ARHGEF3: variants seen among roughly 807,000 people sequenced by gnomAD.
ARHGEF3 encodes Rho guanine nucleotide exchange factor 3.
ARHGEF3 carries 28 observed loss-of-function variants against 63.2 expected under a neutral mutation model. The ratio of observed to expected loss-of-function variants is 0.44; its 90% CI spans 0.33 to 0.61. The LOEUF is 0.61. Ranked by LOEUF, ARHGEF3 falls within the 20% of genes least tolerant of loss-of-function variation. The probability of loss-of-function intolerance (pLI) is 0.03; values close to 1 mark genes in which losing one functional copy is unlikely to be tolerated. For synonymous variants in ARHGEF3, 266 were observed against 254.2 expected, an observed-to-expected ratio of 1.05 and a Z score of -0.44; for missense variants, 533 against 659.3, an observed-to-expected ratio of 0.81 and a Z score of 2.10.
intron 8 of ARHGEF3, among the ~76,000 whole-genome samples, chr3:56,735,086 A>C (rs946775039): frequency 6.6e-6 from 1 of 152,060 alleles, no homozygotes; most frequent in African/African-American, 2.4e-5. Flanking sequence ...GAATTCAAGA[A>C]CAGCCTGGCC....
At chr3:56,949,940 C>A (rs1231413347) in intron 3 of ARHGEF3, among the ~76,000 whole-genome samples, 4 of 151,846 alleles carry the variant, frequency 2.6e-5, no homozygotes, top group African/African-American at 9.7e-5. Flanking sequence ...GAGATATAGA[C>A]CAATGGAACA....
chr3:56,761,328 G>A (rs145372083), intron 2 of ARHGEF3, among the ~76,000 whole-genome samples: 1 of 151,984 alleles, frequency 6.6e-6, no homozygotes, highest in African/African-American at 2.4e-5. Flanking sequence ...GGGAGGAACA[G>A]GCAACTACTA....
chr3:57,033,438 A>T (rs1703817035), intron 2 of ARHGEF3, among the ~76,000 whole-genome samples: 1 of 151,960 alleles, frequency 6.6e-6, no homozygotes, highest in Non-Finnish European at 1.5e-5. Context: ...AAAAATGTAG[A>T]TTCACATATG....
At chr3:57,049,986 T>C (rs77027863) in intron 1 of ARHGEF3, among the ~76,000 whole-genome samples, 137 of 152,292 alleles carry the variant, frequency 9.0e-4, no homozygotes, top group African/African-American at 3.1e-3. Context: ...GAGGACTTGC[T>C]CTTTCCACTC....
chr3:56,999,289 G>A (rs1702102782), intron 2 of ARHGEF3, among the ~76,000 whole-genome samples: 1 of 152,084 alleles, frequency 6.6e-6, no homozygotes, highest in Admixed American at 6.6e-5. Flanking sequence ...TACCTCAAGT[G>A]ATCCGCCCAC....
chr3:56,871,394 A>G (rs757835318), intron 4 of ARHGEF3, among the ~76,000 whole-genome samples: 3 of 152,124 alleles, frequency 2.0e-5, no homozygotes, highest in Non-Finnish European at 4.4e-5. Flanking sequence ...GGCTCAAGTT[A>G]TCTGTTTCAA....
chr3:57,060,993 C>T (rs568586548), intron 1 of ARHGEF3, among the ~76,000 whole-genome samples: 246 of 152,250 alleles, frequency 1.6e-3, no homozygotes, highest in African/African-American at 5.7e-3. Context: ...ATAAAACATA[C>T]CACTTTAACC....
intron 2 of ARHGEF3, among the ~76,000 whole-genome samples, chr3:56,967,914 T>G (rs1483125996): frequency 1.4e-5 from 1 of 70,550 alleles, no homozygotes; most frequent in Non-Finnish European, 2.4e-5. Context: ...ATATTATATA[T>G]AATATATTAT....
intron 3 of ARHGEF3, among the ~76,000 whole-genome samples, chr3:56,945,338 T>G (rs1230335078): frequency 6.6e-6 from 1 of 151,912 alleles, no homozygotes; most frequent in African/African-American, 2.4e-5. Context: ...ACCCGGGAAG[T>G]GCAAGGGGTC....
intron 3 of ARHGEF3, among the ~76,000 whole-genome samples, chr3:56,948,344 G>T (rs1699622766): frequency 6.6e-6 from 1 of 152,148 alleles, no homozygotes; most frequent in Non-Finnish European, 1.5e-5. Context: ...CCAGGAGCTG[G>T]TTTTTTGAAA....
At chr3:56,895,423 G>A (rs1356663517) in intron 3 of ARHGEF3, among the ~76,000 whole-genome samples, 1 of 151,940 alleles carries the variant, frequency 6.6e-6, no homozygotes, top group African/African-American at 2.4e-5. Flanking sequence ...TACAGAAAGA[G>A]GCTGTGTTGG....
chr3:56,978,028 A>G (rs1482069283), intron 2 of ARHGEF3, among the ~76,000 whole-genome samples: 1 of 152,196 alleles, frequency 6.6e-6, no homozygotes, highest in African/African-American at 2.4e-5. Flanking sequence ...GACAAGGCCA[A>G]CAGATCCATA....
At chr3:56,767,654 A>G (rs1158325033) in intron 2 of ARHGEF3, among the ~76,000 whole-genome samples, 1 of 151,858 alleles carries the variant, frequency 6.6e-6, no homozygotes, top group Non-Finnish European at 1.5e-5. Flanking sequence ...AGTATGTACC[A>G]AAATATTAAT....
chr3:56,867,057 G>C (rs2108210203), intron 4 of ARHGEF3, among the ~76,000 whole-genome samples: 1 of 152,288 alleles, frequency 6.6e-6, no homozygotes, highest in East Asian at 1.9e-4. Flanking sequence ...TATATCACAA[G>C]GTCTCTTCAG....
At chr3:56,788,186 AGGGCACACTTGAGGACTGGGGGGTGGC>A (rs1467949478) in intron 1 of ARHGEF3, among the ~76,000 whole-genome samples, 2 of 152,172 alleles carry the variant, frequency 1.3e-5, no homozygotes, top group African/African-American at 2.4e-5. Flanking sequence ...CCCTCTGCTA[AGGGCACACTTGAGGACTGGGGGGTGGC>A]GGGCATCCAG....
At chr3:56,735,419 G>C (rs956602246) in intron 8 of ARHGEF3, among the ~76,000 whole-genome samples, 7 of 151,356 alleles carry the variant, frequency 4.6e-5, no homozygotes, top group African/African-American at 1.7e-4. Flanking sequence ...TCACAATGAC[G>C]TTTACAACTC....
At chr3:57,048,517 T>C (rs948896110) in intron 1 of ARHGEF3, among the ~76,000 whole-genome samples, 5 of 151,990 alleles carry the variant, frequency 3.3e-5, no homozygotes, top group Non-Finnish European at 4.4e-5. Flanking sequence ...TTATAATCAT[T>C]CTTCTGTGTC....
In ARHGEF3 at chr3:56,918,597, A is replaced by G. The variant is rs2042044839; in HGVS notation, c.130-36243T>C. On this transcript the variant is annotated intron_variant, in intron 3 of 12. Transcript: ENST00000338458. ...GCAAGCCTGCAAAAAGGAAGCAAAAACAGGGCACGGCCGTCTCCTCTGATG... is the reference window on the plus strand; with the variant it reads ...GCAAGCCTGCAAAAAGGAAGCAAAAGCAGGGCACGGCCGTCTCCTCTGATG... 5.9e-5 allele frequency among the ~76,000 whole-genome samples: 9 copies of G among 152,146 alleles called. No individual in the cohort carries two copies. In the South Asian group the frequency reaches 1.9e-3, roughly 32 times the overall value.
intron 4 of ARHGEF3, among the ~76,000 whole-genome samples, chr3:56,822,276 G>C (rs1254364432): frequency 6.6e-6 from 1 of 152,174 alleles, no homozygotes; most frequent in African/African-American, 2.4e-5. Flanking sequence ...CAGCTAGGAA[G>C]TGGCACAGCA....
Sources: gnomAD v4.1 joint callset for allele counts (sites outside exome capture counted in the v4.1 genomes callset) on GRCh38, gnomAD v4.1.1 for gene constraint, MANE v1.5 for transcripts, NCBI Gene and HGNC (gene_info 2026-07-23, HGNC 2026-07-21) for gene names.